Variants in NFASC observed in about 807,000 individuals in gnomAD.
The protein encoded by NFASC is neurofascin.
Under a neutral mutation model 147.5 loss-of-function variants are expected in NFASC, and 43 were observed. The ratio of observed to expected loss-of-function variants is 0.29; its 90% confidence interval spans 0.23 to 0.38. The LOEUF (loss-of-function observed/expected upper bound fraction) is 0.38. NFASC is among the 10% of genes least tolerant of loss of function. The pLI is 1.00. For synonymous variants in NFASC, 622 were observed against 665.5 expected, an observed-to-expected ratio of 0.93 and a Z score of 1.01; for missense variants, 1,320 against 1,689.0, an observed-to-expected ratio of 0.78 and a Z score of 3.83.
chr1:205,009,837 T>C (rs1192399619), intron 28 of NFASC, 149 bp downstream of exon 28: 1 of 830,038 alleles, frequency 1.2e-6, no homozygotes, highest in Non-Finnish European at 1.9e-6. Flanking sequence ...TGCCTGTGCA[T>C]CTTCAGACTG....
At chr1:204,890,147 A>G (rs1326652593) in intron 1 of NFASC, among the ~76,000 whole-genome samples, 1 of 152,190 alleles carries the variant, frequency 6.6e-6, no homozygotes, top group African/African-American at 2.4e-5. Context: ...ATGTAGGGGA[A>G]GAGTTGTTTC....
In NFASC at chr1:204,973,245, C is replaced by T. The variant is rs2095311393; in HGVS notation, c.1136-31C>T. 5 of 1,612,648 alleles carry T rather than the reference C, an allele frequency of 3.1e-6. No homozygotes were observed. The East Asian group carries it at 8.9e-5, about 29-fold the overall frequency. ...GCCCTTCACCCTGCCCTCCCCATCT[C>T]TCATGAGGAGCGTCTCTTTCTTGTC... is the stretch of plus-strand genomic sequence containing the variant. On this transcript the variant is annotated intron_variant, in intron 11 of 29. Coordinates refer to ENST00000339876, the MANE Select transcript of NFASC (RefSeq NM_001005388.3).
At chr1:204,995,389 C>G (rs1280138435) in intron 24 of NFASC, among the ~76,000 whole-genome samples, 1 of 151,336 alleles carries the variant, frequency 6.6e-6, no homozygotes, top group Non-Finnish European at 1.5e-5. Context: ...TGAATTCCCT[C>G]TTGTTGAGTG....
chr1:204,915,274 C>G (rs1461050314), intron 1 of NFASC, among the ~76,000 whole-genome samples: 4 of 149,054 alleles, frequency 2.7e-5, no homozygotes, highest in Non-Finnish European at 5.9e-5. Context: ...GAGCAAGACT[C>G]TGTCTCAAAA....
intron 1 of NFASC, among the ~76,000 whole-genome samples, chr1:204,897,064 C>A (rs945120048): frequency 6.6e-6 from 1 of 151,934 alleles, no homozygotes; most frequent in African/African-American, 2.4e-5. Flanking sequence ...CCCCTTCCCC[C>A]CGACCCAGAC....
At chr1:204,899,459 A>G (rs1280255181) in intron 1 of NFASC, among the ~76,000 whole-genome samples, 4 of 152,164 alleles carry the variant, frequency 2.6e-5, no homozygotes, top group African/African-American at 9.7e-5. Flanking sequence ...CGCCAACTCC[A>G]CTGGTACCAG....
intron 1 of NFASC, among the ~76,000 whole-genome samples, chr1:204,883,420 T>C (rs1460680350): frequency 6.6e-6 from 1 of 152,164 alleles, no homozygotes; most frequent in African/African-American, 2.4e-5. Context: ...TTACATCCCA[T>C]TGAAGTCATG....
chr1:204,969,074 G>T, intron 10 of NFASC, 92 bp downstream of exon 10: 1 of 1,184,814 alleles, frequency 8.4e-7, no homozygotes, highest in Non-Finnish European at 1.2e-6. Flanking sequence ...GGCAGAGTGA[G>T]TCGGAGAGAC....
intron 2 of NFASC, among the ~76,000 whole-genome samples, chr1:204,940,463 TAATTA>T (rs1156977965): frequency 2.0e-5 from 3 of 152,238 alleles, no homozygotes; most frequent in East Asian, 3.9e-4. Context: ...AAAAATAAAT[TAATTA>T]AATTAAGTGC....
At position 204,954,866 on chromosome 1, in the gene NFASC, C is replaced by T. The variant is rs149151832; in HGVS notation, c.450C>T (p.Val150=). ...PLWPKENLDP[V]VVQEGAPLTL... is the part of the protein sequence containing the mutation. ...GGCCCAAGGAAAACCTAGACCCTGT[C>T]GTGGTCCAAGAGGGCGCTCCTTTGA... is the stretch of plus-strand genomic sequence containing the variant. Residue 150 remains valine, a synonymous_variant, in exon 7 of 30, where the codon GTC becomes GTT. Coordinates refer to ENST00000339876, the MANE Select transcript of NFASC (RefSeq NM_001005388.3). This position sits in a 1 kb window ranked among gnomAD's most constrained non-coding sequence, Gnocchi z 5.7. 4.5e-5 allele frequency: 73 copies of T among 1,614,176 alleles called. No individual in the cohort carries two copies. The highest frequency in any genetic ancestry group is 5.3e-5 in the Non-Finnish European group (63 of 1,179,996).
intron 1 of NFASC, among the ~76,000 whole-genome samples, chr1:204,901,993 A>G (rs528594525): frequency 6.6e-6 from 1 of 152,306 alleles, no homozygotes; most frequent in Admixed American, 6.5e-5. Flanking sequence ...ACCCAAGAGT[A>G]AATGAAGGGA....
chr1:204,888,939 TCTG>T (rs1468794219), intron 1 of NFASC, among the ~76,000 whole-genome samples: 1 of 152,170 alleles, frequency 6.6e-6, no homozygotes, highest in African/African-American at 2.4e-5. Flanking sequence ...CCTCATGCTT[TCTG>T]CTTCTGAATG....
At chr1:204,881,214 C>A (rs2080143790) in intron 1 of NFASC, among the ~76,000 whole-genome samples, 1 of 152,272 alleles carries the variant, frequency 6.6e-6, no homozygotes, top group Non-Finnish European at 1.5e-5. Flanking sequence ...GGACTGGACC[C>A]CAGGTTGACC....
intron 11 of NFASC, among the ~76,000 whole-genome samples, chr1:204,971,966 C>T (rs1257495978): frequency 6.6e-6 from 1 of 152,200 alleles, no homozygotes; most frequent in Non-Finnish European, 1.5e-5. Flanking sequence ...GTCACTCTCC[C>T]CAGGGAACGT....
chr1:204,857,461 G>A (rs1449770631), intron 1 of NFASC, among the ~76,000 whole-genome samples: 3 of 143,706 alleles, frequency 2.1e-5, no homozygotes, highest in South Asian at 2.1e-4. Context: ...CCTGCACGGC[G>A]TGCCCCTGCC....
chr1:204,941,974 GCTT>G (rs1354758115), intron 2 of NFASC, among the ~76,000 whole-genome samples: 7 of 152,062 alleles, frequency 4.6e-5, no homozygotes, highest in East Asian at 1.9e-4. Context: ...GGTCCAAATG[GCTT>G]CTTATTTCAT....
intron 1 of NFASC, among the ~76,000 whole-genome samples, chr1:204,871,236 C>G (rs1180852646): frequency 1.3e-5 from 2 of 152,174 alleles, no homozygotes; most frequent in Non-Finnish European, 1.5e-5. Flanking sequence ...CTTCCCGGCC[C>G]AGGGAGTGGA....
intron 3 of NFASC, chr1:204,948,744 C>G (rs1424502317): frequency 7.7e-6 from 4 of 518,542 alleles, no homozygotes; most frequent in Admixed American, 5.8e-5. Context: ...ATTGAGTCAG[C>G]CTTCGATTCT....
In NFASC at chr1:205,016,638, C is replaced by A; in HGVS notation, c.*99C>A. ...CCTACCACGAAGCCACCACCACCTT[C>A]AGTAACAAGGGTACGATATGGGGGT... On this transcript the variant is annotated 3_prime_UTR_variant, in exon 30 of 30. Coordinates refer to ENST00000339876, the MANE Select transcript of NFASC (RefSeq NM_001005388.3). The surrounding 1 kb of genome is among the most constrained non-coding windows in gnomAD (Gnocchi z 5.1). The A allele has an allele frequency of 2.4e-6, 2 of 833,838 alleles. No homozygotes were observed. Among genetic ancestry groups the A allele is most frequent in the Non-Finnish European group, 4.1e-6 (2 of 493,114 alleles). The allele number at this position is 833,838 out of a possible 1,614,324, so 51.7% of individuals were successfully genotyped here.
Sources: gnomAD v4.1 joint callset for allele counts (sites outside exome capture counted in the v4.1 genomes callset) on GRCh38, gnomAD v4.1.1 for gene constraint, Gnocchi (gnomAD v3.1) non-coding constraint, MANE v1.5 for transcripts, NCBI Gene and HGNC (gene_info 2026-07-23, HGNC 2026-07-21) for gene names.